The following MARVELD2 variants were observed in gnomAD, a reference collection of about 807,000 sequenced individuals.
The protein encoded by MARVELD2 is MARVEL domain-containing protein 2.
MARVELD2 carries 49 observed loss-of-function variants against 57.6 expected under a neutral mutation model. The observed-to-expected ratio is 0.85, with a 90% confidence interval of 0.68 to 1.08. The LOEUF is 1.08. Ranked by LOEUF, MARVELD2 falls within the 50% of genes least tolerant of loss-of-function variation. The probability of loss-of-function intolerance (pLI) is 0.00; values close to 1 mark genes in which losing one functional copy is unlikely to be tolerated. For missense variants in MARVELD2, 606 were observed against 701.1 expected (o/e 0.86, Z 1.53); for synonymous variants, 238 against 258.8 (o/e 0.92, Z 0.77).
At chr5:69,436,288 G>T (rs1767134554) in intron 5 of MARVELD2, among the ~76,000 whole-genome samples, 1 of 151,902 alleles carries the variant, frequency 6.6e-6, no homozygotes. Flanking sequence ...GTGAACCCGG[G>T]AGGCGGAGGT....
At chr5:69,424,006 A>G (rs1766707823) in intron 2 of MARVELD2, among the ~76,000 whole-genome samples, 1 of 152,234 alleles carries the variant, frequency 6.6e-6, no homozygotes, top group Non-Finnish European at 1.5e-5. Flanking sequence ...AGTGAAACAC[A>G]TACTTCCTCA....
At chr5:69,428,377 C>G (rs1766862596) in intron 3 of MARVELD2, among the ~76,000 whole-genome samples, 1 of 107,834 alleles carries the variant, frequency 9.3e-6, no homozygotes, top group Non-Finnish European at 2.0e-5. Context: ...GTGGCGCAAG[C>G]CTGTAATCCC....
chr5:69,428,851 G>A (rs1766873785), intron 3 of MARVELD2, among the ~76,000 whole-genome samples: 1 of 151,766 alleles, frequency 6.6e-6, no homozygotes, highest in Non-Finnish European at 1.5e-5. Context: ...CCATATGGGG[G>A]TCAAAAAAAA....
chr5:69,416,647 G>A (rs1716189459), intron 1 of MARVELD2, among the ~76,000 whole-genome samples: 1 of 152,194 alleles, frequency 6.6e-6, no homozygotes, highest in Non-Finnish European at 1.5e-5. Context: ...AACAAGTTTG[G>A]CCATAAATCG....
chr5:69,416,145 A>C (rs1008692343), intron 1 of MARVELD2, among the ~76,000 whole-genome samples: 7 of 152,272 alleles, frequency 4.6e-5, no homozygotes, highest in Non-Finnish European at 1.0e-4. Flanking sequence ...TGAATTAAGC[A>C]TAGCGTATCC....
chr5:69,419,623 C>T lies in MARVELD2; in HGVS notation c.238C>T (p.Arg80Cys), dbSNP rs770606860. Residue 80 changes from arginine (R) to cysteine (C), a missense_variant, in exon 2 of 7, where the codon CGC becomes TGC. By Grantham distance (180) the Arg-to-Cys change is radical. Coordinates refer to ENST00000325631, the MANE Select transcript of MARVELD2 (RefSeq NM_001038603.3). ...AIAPDLKPVR[R>C]FVPDSWKNFF... is the part of the protein sequence containing the mutation. ...AGCGCCAGATCTCAAACCAGTAAGGCGCTTTGTCCCTGACTCCTGGAAGAA... is the reference window on the plus strand; with the variant it reads ...AGCGCCAGATCTCAAACCAGTAAGGTGCTTTGTCCCTGACTCCTGGAAGAA... The T allele has an allele frequency of 5.6e-6, 9 of 1,614,082 alleles. No individual in the cohort carries two copies. The highest frequency in any genetic ancestry group is 2.2e-5 in the East Asian group (1 of 44,880).
chr5:69,433,106 A>G lies in MARVELD2; in HGVS notation c.1503+13A>G. On this transcript the variant is annotated intron_variant, in intron 5 of 6. Transcript: ENST00000325631. ...GGAAAGCCGACAGGTTAGTATGTGCAGCTGCCTAGGAGGAGCACTGAAATC... is the reference window on the plus strand; with the variant it reads ...GGAAAGCCGACAGGTTAGTATGTGCGGCTGCCTAGGAGGAGCACTGAAATC... 1 of 1,603,126 alleles carries G rather than the reference A, an allele frequency of 6.2e-7. No individual in the cohort carries two copies. Among genetic ancestry groups the G allele is most frequent in the Non-Finnish European group, 8.5e-7 (1 of 1,173,278 alleles).
At chr5:69,422,677 T>A (rs1766666410) in intron 2 of MARVELD2, among the ~76,000 whole-genome samples, 1 of 152,192 alleles carries the variant, frequency 6.6e-6, no homozygotes, top group African/African-American at 2.4e-5. Context: ...TTTATTACCT[T>A]GTAAAGCATG....
intron 3 of MARVELD2, among the ~76,000 whole-genome samples, chr5:69,425,957 T>C (rs947379438): frequency 6.6e-6 from 1 of 151,864 alleles, no homozygotes; most frequent in South Asian, 2.1e-4. Context: ...GAGGTCAGGA[T>C]GTTCTCGATC....
chr5:69,419,185 CA>C, intron 1 of MARVELD2, 185 bp from the exon 2 acceptor site: 1 of 667,568 alleles, frequency 1.5e-6, no homozygotes, highest in Non-Finnish European at 2.6e-6. Context: ...CTTGGCCTCC[CA>C]AAGTGCTGGG....
At chr5:69,428,066 G>GT (rs1766850666) in intron 3 of MARVELD2, among the ~76,000 whole-genome samples, 1 of 151,868 alleles carries the variant, frequency 6.6e-6, no homozygotes, top group African/African-American at 2.4e-5. Context: ...AGCAAAGATC[G>GT]TGCCACTGCA....
chr5:69,415,346 G>C (rs936887863), intron 1 of MARVELD2, 176 bp downstream of exon 1: 1 of 152,098 alleles, frequency 6.6e-6, no homozygotes, highest in Non-Finnish European at 1.5e-5. Flanking sequence ...TTCGCTCTGC[G>C]GACGCAGGTG....
intron 2 of MARVELD2, 134 bp from the exon 3 acceptor site, chr5:69,424,467 G>A (rs1766723020): frequency 1.4e-6 from 1 of 728,560 alleles, no homozygotes; most frequent in South Asian, 1.5e-5. Flanking sequence ...GGCAAAAAAA[G>A]GATGAGAAAC....
chr5:69,442,661 G>T lies in MARVELD2; in HGVS notation c.*1007G>T, dbSNP rs1242527938. On this transcript the variant is annotated 3_prime_UTR_variant, in exon 7 of 7. Coordinates refer to ENST00000325631, the MANE Select transcript of MARVELD2 (RefSeq NM_001038603.3). ...AAGCCCAAGTGTCTGGTGCCTTTCT[G>T]GTTTGTGGTGTTAACTCATGGCCTT... The T allele has an allele frequency of 6.6e-6, 1 of 152,128 alleles. No individual in the cohort carries two copies. Among genetic ancestry groups the T allele is most frequent in the East Asian group, 1.9e-4 (1 of 5,192 alleles). The allele number at this position is 152,128 out of a possible 1,614,324, so 9.4% of individuals were successfully genotyped here.
intron 3 of MARVELD2, among the ~76,000 whole-genome samples, chr5:69,426,397 C>T (rs890601916): frequency 1.3e-4 from 19 of 149,740 alleles, no homozygotes; most frequent in Non-Finnish European, 2.5e-4. Flanking sequence ...TGCAGTGGTG[C>T]GATCTCAGCT....
chr5:69,423,473 G>A (rs1235430967), intron 2 of MARVELD2, among the ~76,000 whole-genome samples: 1 of 151,796 alleles, frequency 6.6e-6, no homozygotes, highest in East Asian at 1.9e-4. Flanking sequence ...TACCCAGGCT[G>A]GTCTCGAACT....
At chr5:69,422,269 G>A (rs1476671300) in intron 2 of MARVELD2, among the ~76,000 whole-genome samples, 1 of 152,236 alleles carries the variant, frequency 6.6e-6, no homozygotes, top group Non-Finnish European at 1.5e-5. Flanking sequence ...AACTCTGGCT[G>A]CCTGTGAGCT....
rs943819700 is a variant in MARVELD2 at position 69,443,629 on chromosome 5, T to C, written c.*1975T>C. The C allele has an allele frequency of 6.6e-6, 1 of 152,216 alleles. No homozygotes were observed. Among genetic ancestry groups the C allele is most frequent in the Non-Finnish European group, 1.5e-5 (1 of 68,038 alleles). 9.4% of individuals were successfully genotyped at this position (152,216 alleles called of 1,614,324 possible). On this transcript the variant is annotated 3_prime_UTR_variant, in exon 7 of 7. Transcript: ENST00000325631. ...AAACAAAATCGTTCTTGTTGGATTT[T>C]ATTCAGCAGCATCTATCATGTAGAT...
chr5:69,436,340 G>A (rs1227572634), intron 5 of MARVELD2, among the ~76,000 whole-genome samples: 6 of 150,758 alleles, frequency 4.0e-5, no homozygotes, highest in South Asian at 2.1e-4. Context: ...CAGCCTGGGC[G>A]ACAGAGCCAA....
Sources: allele counts gnomAD v4.1 joint callset (sites outside exome capture counted in the v4.1 genomes callset), GRCh38; gene constraint gnomAD v4.1.1; transcripts MANE v1.5; gene names NCBI Gene and HGNC (gene_info 2026-07-23, HGNC 2026-07-21).